ZNF730: variants seen among roughly 807,000 people sequenced by gnomAD.
ZNF730 encodes putative zinc finger protein 730.
Under a neutral mutation model 12.6 loss-of-function variants are expected in ZNF730, and 12 were observed. The ratio of observed to expected loss-of-function variants is 0.95; its 90% CI spans 0.61 to 1.54. The LOEUF (loss-of-function observed/expected upper bound fraction) is 1.54, where lower values mean the gene tolerates loss of function less well. Ranked by LOEUF, ZNF730 falls within the 40% of genes most tolerant of loss-of-function variation. The pLI is 0.00. For synonymous variants in ZNF730, 194 were observed against 195.8 expected, an observed-to-expected ratio of 0.99 and a Z score of 0.08; for missense variants, 643 against 583.5, an observed-to-expected ratio of 1.10 and a Z score of -1.05.
At chr19:23,111,782 C>A (rs1480984308) in intron 1 of ZNF730, among the ~76,000 whole-genome samples, 1 of 151,734 alleles carries the variant, frequency 6.6e-6, no homozygotes, top group Non-Finnish European at 1.5e-5. Context: ...TAGTATTGAG[C>A]AAAACTAACT....
chr19:23,121,709 A>C (rs1391995578), intron 1 of ZNF730, among the ~76,000 whole-genome samples: 1 of 152,110 alleles, frequency 6.6e-6, no homozygotes, highest in African/African-American at 2.4e-5. Context: ...TTTTTTCATA[A>C]ACATTCTTTC....
chr19:23,109,118 G>T (rs1258279004), intron 1 of ZNF730, among the ~76,000 whole-genome samples: 3 of 151,314 alleles, frequency 2.0e-5, no homozygotes, highest in African/African-American at 7.2e-5. Flanking sequence ...GCATATAAAA[G>T]AATAAGAAAC....
upstream of ZNF730, among the ~76,000 whole-genome samples, chr19:23,116,682 A>G (rs925679517): frequency 1.3e-5 from 2 of 151,266 alleles, no homozygotes; most frequent in African/African-American, 4.9e-5. Flanking sequence ...CGGCCCCCCA[A>G]AGTGCTGGGA....
chr19:23,134,878 T>C (rs1438299607), intron 2 of ZNF730, among the ~76,000 whole-genome samples: 1 of 103,912 alleles, frequency 9.6e-6, no homozygotes, highest in Non-Finnish European at 2.0e-5. Flanking sequence ...TGTTCTGTAC[T>C]AAGAAAAATT....
At chr19:23,107,420 A>G (rs1214566699) in intron 1 of ZNF730, among the ~76,000 whole-genome samples, 1 of 126,512 alleles carries the variant, frequency 7.9e-6, no homozygotes, top group Admixed American at 9.7e-5. Context: ...CTCTGGTGAT[A>G]TCCTGTCTCT....
intron 1 of ZNF730, among the ~76,000 whole-genome samples, chr19:23,104,032 C>T (rs533274866): frequency 7.8e-4 from 119 of 152,170 alleles, no homozygotes; most frequent in Middle Eastern, 6.8e-3. Context: ...GATTCAGGGC[C>T]GGGTGTGGTG....
chr19:23,077,151 CAGAG>C (rs1472098619), intron 1 of ZNF730, among the ~76,000 whole-genome samples: 2 of 152,046 alleles, frequency 1.3e-5, no homozygotes, highest in African/African-American at 4.8e-5. Flanking sequence ...CACATGGACA[CAGAG>C]GGGAACAATC....
chr19:23,134,647 A>G (rs1970800599), intron 2 of ZNF730, among the ~76,000 whole-genome samples: 2 of 136,642 alleles, frequency 1.5e-5, no homozygotes, highest in Admixed American at 7.2e-5. Context: ...CCAGGAGGTG[A>G]GGGGCGCTTC....
chr19:23,122,711 T>C (rs1049742656), intron 1 of ZNF730, among the ~76,000 whole-genome samples: 2 of 152,244 alleles, frequency 1.3e-5, no homozygotes, highest in Admixed American at 6.5e-5. Context: ...GGTGTAGTGT[T>C]TGTAGACAAC....
intron 1 of ZNF730, among the ~76,000 whole-genome samples, chr19:23,088,950 A>C (rs1278505357): frequency 6.7e-6 from 1 of 149,250 alleles, no homozygotes; most frequent in African/African-American, 2.5e-5. Context: ...TCGGCTCACC[A>C]CAACCTCCAC....
chr19:23,100,387 C>T (rs910362930), intron 1 of ZNF730: 1 of 152,190 alleles, frequency 6.6e-6, no homozygotes, highest in Non-Finnish European at 1.5e-5. Flanking sequence ...AGGAAGTCGT[C>T]TTTCTGTTCA....
intron 1 of ZNF730, chr19:23,127,584 C>T: frequency 5.3e-6 from 5 of 940,120 alleles, no homozygotes; most frequent in Middle Eastern, 2.8e-4. Flanking sequence ...ATAAATTGCT[C>T]ATGTTGCTGA....
chr19:23,090,317 G>A (rs116791606), intron 1 of ZNF730, among the ~76,000 whole-genome samples: 147 of 152,226 alleles, frequency 9.7e-4, no homozygotes, highest in Middle Eastern at 3.4e-3. Context: ...AAGCAAAGGT[G>A]AGCCTTATGT....
intron 3 of ZNF730, 116 bp from the exon 4 acceptor site, chr19:23,145,154 GC>G: frequency 1.5e-6 from 1 of 673,378 alleles, no homozygotes; most frequent in Non-Finnish European, 2.2e-6. Context: ...AGAAATTAGG[GC>G]CTGTGGTATT....
intron 1 of ZNF730, among the ~76,000 whole-genome samples, chr19:23,125,986 A>G (rs1418687970): frequency 6.6e-6 from 1 of 152,210 alleles, no homozygotes; most frequent in Admixed American, 6.5e-5. Context: ...CAAACATACT[A>G]ATGCATTTGC....
chr19:23,079,369 G>C (rs1442726193), intron 1 of ZNF730, among the ~76,000 whole-genome samples: 1 of 152,070 alleles, frequency 6.6e-6, no homozygotes, highest in Non-Finnish European at 1.5e-5. Context: ...CGTTGGTCAG[G>C]CTGGTCTCCA....
intron 3 of ZNF730, among the ~76,000 whole-genome samples, chr19:23,137,527 G>A (rs1231615546): frequency 6.6e-6 from 1 of 152,132 alleles, no homozygotes; most frequent in Non-Finnish European, 1.5e-5. Flanking sequence ...TCCAGAACCA[G>A]CAGCTTCTTA....
intron 1 of ZNF730, among the ~76,000 whole-genome samples, chr19:23,077,093 C>A (rs912538891): frequency 8.5e-5 from 13 of 152,068 alleles, no homozygotes; most frequent in African/African-American, 3.1e-4. Context: ...GAACAGAAAA[C>A]TAAATACCAC....
chr19:23,119,732 A>T (rs1362945784), intron 1 of ZNF730, among the ~76,000 whole-genome samples: 1 of 152,038 alleles, frequency 6.6e-6, no homozygotes, highest in Non-Finnish European at 1.5e-5. Context: ...TAGGAGAATC[A>T]CTTGAACCTA....
Sources: allele counts gnomAD v4.1 joint callset (sites outside exome capture counted in the v4.1 genomes callset), GRCh38; gene constraint gnomAD v4.1.1; transcripts MANE v1.5; gene names NCBI Gene and HGNC (gene_info 2026-07-23, HGNC 2026-07-21).